The following ZNF521 variants were observed in gnomAD, a reference collection of about 807,000 sequenced individuals.
ZNF521 encodes zinc finger protein 521.
A neutral mutation model predicts 105.5 loss-of-function variants in ZNF521; 14 were observed. That is an observed-to-expected ratio of 0.13 (90% confidence interval 0.09 to 0.21). ZNF521 has a LOEUF of 0.21. ZNF521 is among the 10% of genes least tolerant of loss of function. ZNF521 has a pLI of 1.00. For synonymous variants in ZNF521, 635 were observed against 606.0 expected (o/e 1.05, Z -0.70); for missense variants, 1,233 against 1,629.7 (o/e 0.76, Z 4.19).
At chr18:25,109,838 T>C (rs2034149495) in intron 5 of ZNF521, among the ~76,000 whole-genome samples, 1 of 152,208 alleles carries the variant, frequency 6.6e-6, no homozygotes, top group Non-Finnish European at 1.5e-5. Flanking sequence ...CATTGTGGAA[T>C]CTGGATATCA....
chr18:25,310,854 A>C (rs889830580), intron 3 of ZNF521, among the ~76,000 whole-genome samples: 2 of 152,282 alleles, frequency 1.3e-5, no homozygotes, highest in Non-Finnish European at 2.9e-5. Flanking sequence ...TTTTGCTTCA[A>C]ATATTTTCTT....
At chr18:25,245,376 C>T (rs548380891) in intron 3 of ZNF521, among the ~76,000 whole-genome samples, 1 of 152,284 alleles carries the variant, frequency 6.6e-6, no homozygotes, top group South Asian at 2.1e-4. Context: ...CGACATCCCC[C>T]ACCAGAATGG....
At position 25,342,418 on chromosome 18, in the gene ZNF521, TG is replaced by T. The variant is rs67651753; in HGVS notation, c.40+8488del. Among the ~76,000 whole-genome samples the T allele has an allele frequency of 1.3e-4, 19 of 150,218 alleles. 1 individual carries two copies. The highest frequency in any genetic ancestry group is 1.2e-3 in the East Asian group (6 of 5,078). ...CCTTTTCTTTCCTTTGTTTTTTTTT[TG>T]TTTGTTTGTTTGTTTTTTTTGAGAC... On this transcript the variant is annotated intron_variant, in intron 2 of 7. Transcript: ENST00000361524.
At chr18:25,298,342 AT>A (rs1311417620) in intron 3 of ZNF521, among the ~76,000 whole-genome samples, 1 of 152,224 alleles carries the variant, frequency 6.6e-6, no homozygotes, top group East Asian at 1.9e-4. Flanking sequence ...TCTCTCAGAT[AT>A]ATACTACCTG....
intron 5 of ZNF521, among the ~76,000 whole-genome samples, chr18:25,136,010 A>T (rs562041843): frequency 6.6e-6 from 1 of 152,312 alleles, no homozygotes; most frequent in African/African-American, 2.4e-5. Flanking sequence ...TCAACAAAAA[A>T]ATCAGAGAAA....
intron 3 of ZNF521, among the ~76,000 whole-genome samples, chr18:25,247,144 A>G (rs1907778501): frequency 6.6e-6 from 1 of 152,202 alleles, no homozygotes; most frequent in African/African-American, 2.4e-5. Context: ...GTTGACCAAG[A>G]CACAATACAT....
chr18:25,131,864 T>C (rs1173458770), intron 5 of ZNF521, among the ~76,000 whole-genome samples: 5 of 152,194 alleles, frequency 3.3e-5, no homozygotes, highest in Non-Finnish European at 7.3e-5. Flanking sequence ...TAGTTTAGTG[T>C]AGCAAATCTT....
chr18:25,319,237 A>G (rs1912803564), intron 3 of ZNF521, among the ~76,000 whole-genome samples: 2 of 152,188 alleles, frequency 1.3e-5, no homozygotes, highest in African/African-American at 4.8e-5. Context: ...AAACAAATGA[A>G]TAAGAAAGAA....
At chr18:25,135,034 G>A (rs2034706827) in intron 5 of ZNF521, among the ~76,000 whole-genome samples, 3 of 152,092 alleles carry the variant, frequency 2.0e-5, no homozygotes, top group African/African-American at 4.8e-5. Context: ...AACTTGACAG[G>A]AGCCCACAAG....
intron 3 of ZNF521, among the ~76,000 whole-genome samples, chr18:25,299,895 G>A (rs1911535309): frequency 2.6e-5 from 4 of 152,140 alleles, no homozygotes; most frequent in South Asian, 4.1e-4. Context: ...TGACCACAAC[G>A]ATAACTGCCA....
chr18:25,132,472 ATTTTG>A (rs1186311366), intron 5 of ZNF521, among the ~76,000 whole-genome samples: 6 of 152,018 alleles, frequency 3.9e-5, no homozygotes, highest in African/African-American at 1.2e-4. Flanking sequence ...TTCAGGCACA[ATTTTG>A]TTTTGTTTTG....
chr18:25,107,030 C>A (rs889523131), intron 5 of ZNF521, among the ~76,000 whole-genome samples: 8 of 152,158 alleles, frequency 5.3e-5, no homozygotes, highest in Non-Finnish European at 1.0e-4. Flanking sequence ...TCTTCCCATG[C>A]GACATGGTGG....
chr18:25,103,179 A>G (rs1354906114), intron 5 of ZNF521, among the ~76,000 whole-genome samples: 1 of 152,096 alleles, frequency 6.6e-6, no homozygotes. Context: ...TGGTGCTCCT[A>G]GAGGGGCTAG....
At chr18:25,253,595 C>T (rs1382327483) in intron 3 of ZNF521, among the ~76,000 whole-genome samples, 1 of 151,970 alleles carries the variant, frequency 6.6e-6, no homozygotes, top group Non-Finnish European at 1.5e-5. Flanking sequence ...AAAAAGACTC[C>T]ATATTTCATG....
chr18:25,199,164 T>A (rs1000095594), intron 4 of ZNF521, among the ~76,000 whole-genome samples: 21 of 151,660 alleles, frequency 1.4e-4, no homozygotes, highest in African/African-American at 4.8e-4. Flanking sequence ...GAGAAAAAAA[T>A]GCAAATCTAG....
intron 5 of ZNF521, among the ~76,000 whole-genome samples, chr18:25,146,062 C>A (rs2034937528): frequency 6.6e-6 from 1 of 152,124 alleles, no homozygotes; most frequent in Non-Finnish European, 1.5e-5. Flanking sequence ...CTTCAAACAA[C>A]CTTATTAGTT....
intron 6 of ZNF521, among the ~76,000 whole-genome samples, chr18:25,090,092 A>G (rs2033711334): frequency 6.6e-6 from 1 of 152,196 alleles, no homozygotes; most frequent in African/African-American, 2.4e-5. Flanking sequence ...TGGATACTTT[A>G]AGATCAACTC....
chr18:25,173,285 C>T (rs1299475276), intron 5 of ZNF521, among the ~76,000 whole-genome samples: 1 of 152,154 alleles, frequency 6.6e-6, no homozygotes, highest in Non-Finnish European at 1.5e-5. Flanking sequence ...TTTGATGAGC[C>T]CCCAAGGAGG....
chr18:25,131,987 A>G (rs954436005), intron 5 of ZNF521, among the ~76,000 whole-genome samples: 7 of 152,152 alleles, frequency 4.6e-5, no homozygotes, highest in African/African-American at 1.7e-4. Flanking sequence ...GGCAGAAGCT[A>G]GAAAGAAAGG....
Sources: allele counts gnomAD v4.1 joint callset (sites outside exome capture counted in the v4.1 genomes callset), GRCh38; gene constraint gnomAD v4.1.1; transcripts MANE v1.5; gene names NCBI Gene and HGNC (gene_info 2026-07-23, HGNC 2026-07-21).